Variants in PPP2CA observed in about 807,000 individuals in gnomAD.
The protein encoded by PPP2CA is serine/threonine-protein phosphatase 2A catalytic subunit alpha isoform.
PPP2CA carries 5 observed loss-of-function variants against 38.8 expected under a neutral mutation model. The observed-to-expected ratio is 0.13, with a 90% confidence interval of 0.07 to 0.27. The LOEUF (loss-of-function observed/expected upper bound fraction) is 0.27, where lower values mean the gene tolerates loss of function less well. Among genes scored for constraint, PPP2CA ranks in the 10% least tolerant of loss-of-function variants. The pLI, the probability that PPP2CA is intolerant of heterozygous loss-of-function variation, is 1.00. For missense variants in PPP2CA, 88 were observed against 389.7 expected (o/e 0.23, Z 6.52); for synonymous variants, 152 against 134.0 (o/e 1.13, Z -0.93).
At position 134,200,872 on chromosome 5, in the gene PPP2CA, C is replaced by T. The variant is rs1561734182; in HGVS notation, c.576+113G>A. The stretch of plus-strand genomic sequence containing the variant: ...AACAGGGCAGACAAGAGTGCTCACA[C>T]CTCAAGTTGTTTTTGAGAATTATAT... On this transcript the variant is annotated intron_variant, in intron 4 of 6. Coordinates refer to ENST00000481195, the MANE Select transcript of PPP2CA (RefSeq NM_002715.4). 9 of 885,648 alleles carry T rather than the reference C, an allele frequency of 1.0e-5. No homozygotes were observed. In the East Asian group the frequency reaches 2.3e-4, roughly 23 times the overall value. 54.9% of individuals were successfully genotyped at this position (885,648 alleles called of 1,614,324 possible).
intron 1 of PPP2CA, among the ~76,000 whole-genome samples, chr5:134,221,567 G>C (rs2149388848): frequency 6.6e-6 from 1 of 152,220 alleles, no homozygotes; most frequent in South Asian, 2.1e-4. Flanking sequence ...TCATTTGAGG[G>C]GCAAATGTTG....
In PPP2CA at chr5:134,196,082, G is replaced by GAATGA. The variant is rs765748960; in HGVS notation, c.*1685_*1689dup. 7.9e-5 allele frequency: 12 copies of GAATGA among 152,252 alleles called. No individual in the cohort carries two copies. Among genetic ancestry groups the GAATGA allele is most frequent in the East Asian group, 3.9e-4 (2 of 5,192 alleles). The allele number at this position is 152,252 out of a possible 1,614,324, so 9.4% of individuals were successfully genotyped here. Reference sequence around the variant, plus strand: ...AGAATGTATTTCTTGTGAAAGAAAAGAATGAAATGAAATGAAATGTAGAAA... The same window carrying GAATGA: ...AGAATGTATTTCTTGTGAAAGAAAAGAATGAAATGAAATGAAATGAAATGTAGAAA... On this transcript the variant is annotated 3_prime_UTR_variant, in exon 7 of 7. Transcript: ENST00000481195.
chr5:134,198,039 A>C (rs1761890932), intron 6 of PPP2CA, among the ~76,000 whole-genome samples, 195 bp from the exon 7 acceptor site: 1 of 152,232 alleles, frequency 6.6e-6, no homozygotes, highest in Non-Finnish European at 1.5e-5. Context: ...AGCCACAGAG[A>C]CTATGCTTTT....
Position 134,206,103 on chromosome 5 carries a change from T to C in PPP2CA, c.131A>G (p.Asn44Ser). The C allele has an allele frequency of 6.2e-7, 1 of 1,614,106 alleles. No individual in the cohort carries two copies. Among genetic ancestry groups the C allele is most frequent in the Non-Finnish European group, 8.5e-7 (1 of 1,179,960 alleles). ...AACTGGACATCGAACCTCTTGCACG[T>C]TGGATTCTTTTGTCAGGATTTCTTT... ...KAKEILTKES[N>S]VQEVRCPVTV... is the part of the protein sequence containing the mutation. Residue 44 changes from asparagine to serine, a missense_variant, in exon 2 of 7, where the codon AAC (asparagine) becomes AGC (serine). By Grantham distance (46) the Asn-to-Ser change is conservative (BLOSUM62 1). This residue lies in a region of PPP2CA where 34 missense variants were observed against 57.1 expected (regional missense o/e 0.60). Transcript: ENST00000481195.
chr5:134,197,922 T>C, intron 6 of PPP2CA, 78 bp from the exon 7 acceptor site: 1 of 1,240,578 alleles, frequency 8.1e-7, no homozygotes. Flanking sequence ...ACATGAGTCT[T>C]CCAAACTTTA....
chr5:134,204,989 G>A (rs1357065703), intron 2 of PPP2CA, among the ~76,000 whole-genome samples: 4 of 143,476 alleles, frequency 2.8e-5, no homozygotes, highest in Non-Finnish European at 6.0e-5. Flanking sequence ...TTAGAGTGTA[G>A]GGTGGCAAGA....
intron 4 of PPP2CA, 54 bp from the exon 5 acceptor site, chr5:134,200,550 T>C: frequency 6.4e-7 from 1 of 1,572,650 alleles, no homozygotes; most frequent in Non-Finnish European, 8.7e-7. Flanking sequence ...GTTAACACAT[T>C]ATTTGAGTAA....
chr5:134,208,801 T>C (rs1035659717), intron 1 of PPP2CA, among the ~76,000 whole-genome samples: 4 of 152,184 alleles, frequency 2.6e-5, no homozygotes, highest in Admixed American at 2.0e-4. Context: ...ACAGAAACAA[T>C]AGTTTTCCTT....
intron 1 of PPP2CA, 95 bp downstream of exon 1, chr5:134,225,665 C>T: frequency 8.8e-7 from 1 of 1,138,684 alleles, no homozygotes; most frequent in Non-Finnish European, 1.2e-6. Context: ...GGGCCCGGAC[C>T]GGCGGCCTCC....
At chr5:134,215,642 C>T (rs1762300834) in intron 1 of PPP2CA, among the ~76,000 whole-genome samples, 1 of 152,026 alleles carries the variant, frequency 6.6e-6, no homozygotes, top group East Asian at 1.9e-4. Context: ...TCTCACTATG[C>T]TGCCTAGGCT....
intron 1 of PPP2CA, among the ~76,000 whole-genome samples, chr5:134,212,450 T>C (rs1435115344): frequency 1.3e-5 from 2 of 152,210 alleles, no homozygotes; most frequent in Non-Finnish European, 2.9e-5. Context: ...ACTTAATAAA[T>C]GTCGTATATA....
In PPP2CA at chr5:134,196,598, A is replaced by C. The variant is rs894772929; in HGVS notation, c.*1174T>G. On this transcript the variant is annotated 3_prime_UTR_variant, in exon 7 of 7. Transcript: ENST00000481195. The stretch of plus-strand genomic sequence containing the variant: ...ACAAATTTAACTCTAAGAACATATG[A>C]CTCAACAATGTACAAAGATTTAAGA... 6.6e-6 allele frequency: 1 copy of C among 152,192 alleles called. No homozygotes were observed. Among genetic ancestry groups the C allele is most frequent in the South Asian group, 2.1e-4 (1 of 4,832 alleles). The allele number at this position is 152,192 out of a possible 1,614,324, so 9.4% of individuals were successfully genotyped here. A position where few individuals can be genotyped will look rare whatever the true frequency, so the allele number is the denominator to read the frequency against.
At chr5:134,211,605 T>TC (rs1490027545) in intron 1 of PPP2CA, among the ~76,000 whole-genome samples, 1 of 150,794 alleles carries the variant, frequency 6.6e-6, no homozygotes, top group Non-Finnish European at 1.5e-5. Context: ...GCCTCTTGAG[T>TC]AGCTGGGATT....
intron 2 of PPP2CA, 128 bp from the exon 3 acceptor site, chr5:134,202,149 T>C (rs1298105866): frequency 1.9e-5 from 17 of 887,078 alleles, no homozygotes; most frequent in African/African-American, 8.7e-5. Flanking sequence ...CCTCATATCA[T>C]AGTGAACCAA....
At chr5:134,207,676 C>T (rs1762113057) in intron 1 of PPP2CA, among the ~76,000 whole-genome samples, 2 of 152,266 alleles carry the variant, frequency 1.3e-5, no homozygotes, top group South Asian at 4.1e-4. Context: ...GCCTCAGTCT[C>T]CATGAACAAT....
intron 5 of PPP2CA, among the ~76,000 whole-genome samples, chr5:134,199,766 A>AC (rs1256164348): frequency 8.3e-6 from 1 of 120,056 alleles, no homozygotes; most frequent in African/African-American, 3.3e-5. Flanking sequence ...TACTTTTGTT[A>AC]CTTTTTGTTT....
intron 1 of PPP2CA, among the ~76,000 whole-genome samples, chr5:134,208,655 G>C (rs534678755): frequency 7.8e-4 from 119 of 152,222 alleles, no homozygotes; most frequent in Non-Finnish European, 1.4e-3. Context: ...TATTTATCTG[G>C]ATGTAGTCCC....
intron 1 of PPP2CA, among the ~76,000 whole-genome samples, chr5:134,215,781 G>A (rs1762305803): frequency 6.6e-6 from 1 of 152,086 alleles, no homozygotes; most frequent in East Asian, 1.9e-4. Context: ...AATGTATACA[G>A]TAACTCCTAA....
rs755557443 is a variant in PPP2CA at position 134,200,976 on chromosome 5, A to C, written c.576+9T>G. On this transcript the variant is annotated intron_variant, in intron 4 of 6. Transcript: ENST00000481195. ...TTTCTGAAAGAATTTTATCAAATAAAAGTCATACCTCATGGGGAACTTCTT... is the reference window on the plus strand; with the variant it reads ...TTTCTGAAAGAATTTTATCAAATAACAGTCATACCTCATGGGGAACTTCTT... The C allele has an allele frequency of 6.3e-7, 1 of 1,584,762 alleles. No individual in the cohort carries two copies. Among genetic ancestry groups the C allele is most frequent in the African/African-American group, 1.3e-5 (1 of 74,328 alleles).
Sources: gnomAD v4.1 joint callset for allele counts (sites outside exome capture counted in the v4.1 genomes callset) on GRCh38, gnomAD v4.1.1 for gene constraint, gnomAD v4.1.1 regional missense constraint, MANE v1.5 for transcripts, NCBI Gene and HGNC (gene_info 2026-07-23, HGNC 2026-07-21) for gene names.